The following MX2 variants were observed in gnomAD, a reference collection of about 807,000 sequenced individuals.
MX2 encodes interferon-induced GTP-binding protein Mx2.
A neutral mutation model predicts 74.0 loss-of-function variants in MX2; 51 were observed. That is an observed-to-expected ratio of 0.69 (90% CI 0.55 to 0.87). The LOEUF is 0.87. MX2 is among the 40% of genes least tolerant of loss of function. MX2 has a pLI of 0.00. For synonymous variants in MX2, 369 were observed against 339.3 expected (o/e 1.09, Z -0.96); for missense variants, 832 against 908.7 (o/e 0.92, Z 1.09).
intron 5 of MX2, among the ~76,000 whole-genome samples, chr21:41,387,094 C>A (rs937080543): frequency 3.3e-5 from 5 of 152,220 alleles, no homozygotes; most frequent in Non-Finnish European, 5.9e-5. Context: ...TCCCACCACG[C>A]TTTCCCTTCG....
At chr21:41,391,374 A>G (rs2089658089) in intron 6 of MX2, among the ~76,000 whole-genome samples, 1 of 151,464 alleles carries the variant, frequency 6.6e-6, no homozygotes. Flanking sequence ...ATCAACAGTT[A>G]TCAATAAATA....
rs141620643 is a variant in MX2, at chr21:41,374,305, G to A, written c.-71-2531G>A. Among the ~76,000 whole-genome samples the A allele has an allele frequency of 1.7e-3, 258 of 152,328 alleles. 1 individual carries two copies. Among genetic ancestry groups the A allele is most frequent in the African/African-American group, 5.9e-3 (245 of 41,584 alleles). On this transcript the variant is annotated intron_variant, in intron 1 of 13. Coordinates refer to ENST00000330714, the MANE Select transcript of MX2 (RefSeq NM_002463.2). The stretch of plus-strand genomic sequence containing the variant: ...CTTTCTAATTCTTTATCCTAAACCC[G>A]GACTGTGGGCCTCATCTTAGGGAGA...
intron 1 of MX2, among the ~76,000 whole-genome samples, chr21:41,376,130 C>T (rs747229599): frequency 5.3e-5 from 8 of 152,194 alleles, no homozygotes; most frequent in Admixed American, 1.3e-4. Flanking sequence ...CCAGGTCTGG[C>T]TTCCAGCAGG....
At chr21:41,403,433 T>C in intron 12 of MX2, 90 bp downstream of exon 12, 6 of 1,176,212 alleles carry the variant, frequency 5.1e-6, no homozygotes, top group South Asian at 1.2e-5. Flanking sequence ...TTTGGAACCA[T>C]GAGGCCAGGG....
rs148765400 is a variant in MX2, at chr21:41,403,313, C to T, written c.1620C>T (p.Gly540=). ...AFINVAKKHF[G]EFFNLNQTVQ... The stretch of plus-strand genomic sequence containing the variant: ...TTAACGTGGCCAAAAAACATTTTGG[C>T]GAATTTTTCAACCTTAACCAAACTG... The change falls in exon 12 of 14, where the codon GGC becomes GGT. Residue 540 remains glycine, a synonymous_variant. Transcript: ENST00000330714. 7.4e-5 allele frequency: 119 copies of T among 1,613,632 alleles called. No individual in the cohort carries two copies. The African/African-American group carries it at 1.1e-3, about 14-fold the overall frequency.
chr21:41,406,534 A>T (rs1337888455), intron 12 of MX2, among the ~76,000 whole-genome samples: 2 of 152,156 alleles, frequency 1.3e-5, no homozygotes, highest in African/African-American at 4.8e-5. Context: ...GAGAGAAGGT[A>T]TGTCGCAAGT....
In MX2 at chr21:41,380,062, C is replaced by G. The variant is rs1160489795; in HGVS notation, c.488C>G (p.Pro163Arg). 1 of 1,614,052 alleles carries G rather than the reference C, an allele frequency of 6.2e-7. No individual in the cohort carries two copies. The highest frequency in any genetic ancestry group is 1.7e-4 in the Middle Eastern group (1 of 6,054). Residue 163 changes from proline to arginine, a missense_variant, in exon 4 of 14, where the codon CCC becomes CGC. Coordinates refer to ENST00000330714, the MANE Select transcript of MX2 (RefSeq NM_002463.2). The surrounding 1 kb of genome is among the most constrained non-coding windows in gnomAD (Gnocchi z 4.3). Reference sequence around the variant, plus strand: ...CTGGTGCTGAAACTGAAAAAGCAGCCCTGTGAGGCATGGGCCGGAAGGATC... The same window carrying G: ...CTGGTGCTGAAACTGAAAAAGCAGCGCTGTGAGGCATGGGCCGGAAGGATC... ...CPLVLKLKKQPCEAWAGRISY... is the reference protein window; with the variant it reads ...CPLVLKLKKQRCEAWAGRISY...
At chr21:41,362,761 T>TTTC (rs1568928197) in intron 1 of MX2, among the ~76,000 whole-genome samples, 2 of 87,432 alleles carry the variant, frequency 2.3e-5, no homozygotes, top group African/African-American at 6.7e-5. Flanking sequence ...TTTTTTTTTT[T>TTTC]TTTTTTTTTT....
chr21:41,371,336 G>A (rs1183815306), intron 1 of MX2, among the ~76,000 whole-genome samples: 1 of 152,142 alleles, frequency 6.6e-6, no homozygotes. Context: ...TGTTTCTACT[G>A]ACTCTTGAGT....
At chr21:41,379,603 G>A (rs568376720) in intron 3 of MX2, among the ~76,000 whole-genome samples, 18 of 152,074 alleles carry the variant, frequency 1.2e-4, no homozygotes, top group African/African-American at 4.3e-4. Context: ...GCTGCCCACC[G>A]GGACAATTAC....
chr21:41,387,961 A>T (rs1321379603), intron 5 of MX2, among the ~76,000 whole-genome samples: 3 of 152,006 alleles, frequency 2.0e-5, no homozygotes, highest in African/African-American at 7.3e-5. Context: ...CGACACGTCC[A>T]GTCCACCTAC....
intron 12 of MX2, among the ~76,000 whole-genome samples, chr21:41,406,146 G>A (rs1217668112): frequency 1.3e-5 from 2 of 152,070 alleles, no homozygotes; most frequent in Non-Finnish European, 1.5e-5. Flanking sequence ...GTGCCACCAC[G>A]CCCAGCTAAT....
chr21:41,389,132 AC>A (rs2089621674), intron 5 of MX2, among the ~76,000 whole-genome samples: 1 of 152,162 alleles, frequency 6.6e-6, no homozygotes, highest in African/African-American at 2.4e-5. Flanking sequence ...AGGACGATCA[AC>A]GTTAAAACTT....
chr21:41,406,022 G>A (rs1408483863), intron 12 of MX2, among the ~76,000 whole-genome samples: 3 of 149,058 alleles, frequency 2.0e-5, no homozygotes, highest in Non-Finnish European at 3.0e-5. Flanking sequence ...ACGGAGTTTC[G>A]CTCTTGTCGT....
intron 3 of MX2, 74 bp downstream of exon 3, chr21:41,378,055 A>G (rs2089432752): frequency 2.0e-6 from 3 of 1,516,008 alleles, no homozygotes; most frequent in South Asian, 1.2e-5. Flanking sequence ...CCCAGGCACC[A>G]AGAGGTTTTA....
At chr21:41,375,144 C>G (rs2089383251) in intron 1 of MX2, among the ~76,000 whole-genome samples, 1 of 152,212 alleles carries the variant, frequency 6.6e-6, no homozygotes, top group Admixed American at 6.5e-5. Flanking sequence ...AGTGGGCACC[C>G]AAGTTACCCT....
At chr21:41,369,673 C>T (rs2089298290) in intron 1 of MX2, among the ~76,000 whole-genome samples, 1 of 152,090 alleles carries the variant, frequency 6.6e-6, no homozygotes, top group Non-Finnish European at 1.5e-5. Flanking sequence ...CTCTGGTGCC[C>T]CTGGGGCCTT....
intron 5 of MX2, among the ~76,000 whole-genome samples, chr21:41,384,335 A>T (rs968600871): frequency 1.3e-5 from 2 of 152,212 alleles, no homozygotes; most frequent in African/African-American, 4.8e-5. Flanking sequence ...CTGCCACTTC[A>T]TCCTCTCCTC....
At chr21:41,386,436 A>AT (rs2089578739) in intron 5 of MX2, among the ~76,000 whole-genome samples, 1 of 152,146 alleles carries the variant, frequency 6.6e-6, no homozygotes, top group Non-Finnish European at 1.5e-5. Context: ...GAAAACTGTC[A>AT]TTGTGGCTGT....
Sources: gnomAD v4.1 joint callset for allele counts (sites outside exome capture counted in the v4.1 genomes callset) on GRCh38, gnomAD v4.1.1 for gene constraint, Gnocchi (gnomAD v3.1) non-coding constraint, MANE v1.5 for transcripts, NCBI Gene and HGNC (gene_info 2026-07-23, HGNC 2026-07-21) for gene names.